The following ZNF280D variants were observed in gnomAD, a reference collection of about 807,000 sequenced individuals.
The protein encoded by ZNF280D is suppressor of hairy wing homolog 4.
Under a neutral mutation model 94.7 loss-of-function variants are expected in ZNF280D, and 39 were observed. The observed-to-expected ratio is 0.41, with a 90% CI of 0.32 to 0.54. The LOEUF (loss-of-function observed/expected upper bound fraction) is 0.54, where lower values mean the gene tolerates loss of function less well. ZNF280D is among the 20% of genes least tolerant of loss of function. ZNF280D has a pLI of 0.22. For synonymous variants in ZNF280D, 398 were observed against 377.6 expected (o/e 1.05, Z -0.63); for missense variants, 1,090 against 1,149.3 (o/e 0.95, Z 0.75).
At chr15:56,646,149 C>T (rs1413771179) in intron 19 of ZNF280D, among the ~76,000 whole-genome samples, 1 of 152,148 alleles carries the variant, frequency 6.6e-6, no homozygotes, top group Non-Finnish European at 1.5e-5. Flanking sequence ...TTAGCCCAGG[C>T]GTGGTGCCAC....
chr15:56,697,004 C>T (rs1040901248), intron 6 of ZNF280D, among the ~76,000 whole-genome samples: 2 of 152,122 alleles, frequency 1.3e-5, no homozygotes, highest in African/African-American at 4.8e-5. Context: ...CTCGGTCAAA[C>T]GTTGGAAAGA....
intron 9 of ZNF280D, chr15:56,688,794 AC>A (rs1453425177): frequency 1.3e-5 from 3 of 226,968 alleles, no homozygotes; most frequent in Non-Finnish European, 1.7e-5. Flanking sequence ...TCGGATTAAT[AC>A]ATTATTTTTA....
intron 7 of ZNF280D, among the ~76,000 whole-genome samples, chr15:56,692,226 CAG>C (rs1475459821): frequency 1.3e-5 from 2 of 151,866 alleles, no homozygotes; most frequent in East Asian, 3.9e-4. Flanking sequence ...AAGTGACACC[CAG>C]AGAGGTGAAT....
At chr15:56,638,112 C>T (rs1398733143) in intron 20 of ZNF280D, among the ~76,000 whole-genome samples, 1 of 152,066 alleles carries the variant, frequency 6.6e-6, no homozygotes, top group Non-Finnish European at 1.5e-5. Flanking sequence ...GTGAGCCTGT[C>T]ATATCAAGGA....
intron 1 of ZNF280D, chr15:56,729,757 C>T (rs2058797197): frequency 6.6e-6 from 1 of 152,122 alleles, no homozygotes; most frequent in Admixed American, 6.5e-5. Flanking sequence ...GTCTTACCCT[C>T]TAACCACAAT....
At chr15:56,642,931 A>G (rs1327603898) in intron 20 of ZNF280D, 21 bp downstream of exon 20, 16 of 1,478,122 alleles carry the variant, frequency 1.1e-5, no homozygotes, top group Non-Finnish European at 1.3e-5. Flanking sequence ...CCTTTAAGGT[A>G]TAAAGTAAAA....
chr15:56,634,490 T>G (rs1476963622), intron 21 of ZNF280D, among the ~76,000 whole-genome samples: 3 of 152,156 alleles, frequency 2.0e-5, no homozygotes, highest in Non-Finnish European at 4.4e-5. Flanking sequence ...ACTTTACTAT[T>G]GAAGTATAAG....
chr15:56,637,856 T>A (rs1288547838), intron 20 of ZNF280D, among the ~76,000 whole-genome samples: 1 of 152,128 alleles, frequency 6.6e-6, no homozygotes, highest in African/African-American at 2.4e-5. Context: ...AAAAAAAACT[T>A]TATTAAATCT....
intron 4 of ZNF280D, among the ~76,000 whole-genome samples, chr15:56,703,652 G>C (rs971125629): frequency 3.3e-5 from 5 of 151,992 alleles, no homozygotes; most frequent in Non-Finnish European, 1.5e-5. Context: ...TCAGGAGTTC[G>C]AGAGCAGCCT....
In ZNF280D at chr15:56,707,186, T is replaced by C. The variant is rs1286887523; in HGVS notation, c.-41-36A>G. On this transcript the variant is annotated intron_variant, in intron 2 of 21. Coordinates refer to ENST00000267807, the MANE Select transcript of ZNF280D (RefSeq NM_017661.4). The stretch of plus-strand genomic sequence containing the variant: ...ATATCAGTCAATTTAATGAGTCACT[T>C]TAAGTAACACCAAATATTGAAACAT... 14 of 1,610,334 alleles carry C rather than the reference T, an allele frequency of 8.7e-6. No individual in the cohort carries two copies. In the Middle Eastern group the frequency reaches 4.9e-4, roughly 57 times the overall value.
At chr15:56,726,115 A>C (rs1170129452) in intron 1 of ZNF280D, among the ~76,000 whole-genome samples, 1 of 152,118 alleles carries the variant, frequency 6.6e-6, no homozygotes, top group Non-Finnish European at 1.5e-5. Context: ...AGAAAAAAAA[A>C]CTGGTAACAA....
chr15:56,636,063 A>G lies in ZNF280D; in HGVS notation c.2260-813T>C, dbSNP rs115021648. Among the ~76,000 whole-genome samples, 1,195 of 152,316 alleles carry G rather than the reference A, an allele frequency of 7.8e-3. 15 individuals are homozygous for G. Among genetic ancestry groups the G allele is most frequent in the African/African-American group, 0.027 (1,129 of 41,572 alleles). On this transcript the variant is annotated intron_variant, in intron 20 of 21. Coordinates refer to ENST00000267807, the MANE Select transcript of ZNF280D (RefSeq NM_017661.4). ...TCGACTCAAGCCTGTAAAATTGATA[A>G]TGGTGTATTAATCACACACACTTAT...
chr15:56,676,120 G>A (rs2055215083), intron 13 of ZNF280D, among the ~76,000 whole-genome samples: 1 of 152,060 alleles, frequency 6.6e-6, no homozygotes, highest in Non-Finnish European at 1.5e-5. Context: ...ATAGTTCTCT[G>A]CCAGAGTTCA....
At chr15:56,690,761 T>C (rs1022867750) in intron 7 of ZNF280D, among the ~76,000 whole-genome samples, 1 of 152,220 alleles carries the variant, frequency 6.6e-6, no homozygotes, top group Non-Finnish European at 1.5e-5. Context: ...ATTCTAAATC[T>C]GTACATCATA....
At chr15:56,652,722 C>G in intron 19 of ZNF280D, 1 of 985,222 alleles carries the variant, frequency 1.0e-6, no homozygotes, top group Non-Finnish European at 1.2e-6. Flanking sequence ...AAAACTGGCT[C>G]TTAAGGTCTG....
Position 56,664,091 on chromosome 15 carries a change from A to G in ZNF280D, c.1994+2304T>C, listed in dbSNP as rs540738578. Among the ~76,000 whole-genome samples the G allele has an allele frequency of 5.2e-4, 79 of 152,334 alleles. No individual in the cohort carries two copies. The South Asian group carries it at 0.014, about 28-fold the overall frequency. On this transcript the variant is annotated intron_variant, in intron 16 of 21. Coordinates refer to ENST00000267807, the MANE Select transcript of ZNF280D (RefSeq NM_017661.4). ...AGGAACATTAAACAAATTAAGTTTT[A>G]AAAAGTGAGTGACAACAATGTCAAA... is the stretch of plus-strand genomic sequence containing the variant.
Position 56,677,573 on chromosome 15 carries a change from C to T in ZNF280D, c.1263+1G>A. 6.3e-7 allele frequency: 1 copy of T among 1,591,582 alleles called. No individual in the cohort carries two copies. Among genetic ancestry groups the T allele is most frequent in the Non-Finnish European group, 8.6e-7 (1 of 1,161,220 alleles). ...AAAAAAACAATAAAATGTATGTGTACCTGGCAGACATATGGCATTTCACCA... is the reference window on the plus strand; with the variant it reads ...AAAAAAACAATAAAATGTATGTGTATCTGGCAGACATATGGCATTTCACCA... On this transcript the variant is annotated splice_donor_variant, in intron 12 of 21. Coordinates refer to ENST00000267807, the MANE Select transcript of ZNF280D (RefSeq NM_017661.4). LOFTEE classifies it high-confidence loss of function.
At chr15:56,668,269 G>A (rs1344132219) in intron 14 of ZNF280D, 9 of 404,386 alleles carry the variant, frequency 2.2e-5, no homozygotes, top group African/African-American at 1.9e-4. Context: ...AGAGAAAACA[G>A]ATGTACATAA....
At chr15:56,698,041 G>A (rs1193122625) in intron 6 of ZNF280D, 4 of 152,142 alleles carry the variant, frequency 2.6e-5, no homozygotes, top group Admixed American at 2.6e-4. Flanking sequence ...TTTTAATAGG[G>A]TTTTAATTAA....
Sources: allele counts gnomAD v4.1 joint callset (sites outside exome capture counted in the v4.1 genomes callset), GRCh38; gene constraint gnomAD v4.1.1; transcripts MANE v1.5; gene names NCBI Gene and HGNC (gene_info 2026-07-23, HGNC 2026-07-21).